Variants in ABCB1 observed in about 807,000 individuals in gnomAD.
ABCB1 encodes the protein ATP binding cassette subfamily B member 1.
ABCB1 carries 69 observed loss-of-function variants against 142.0 expected under a neutral mutation model. The ratio of observed to expected loss-of-function variants is 0.49; its 90% CI spans 0.40 to 0.59. The LOEUF (loss-of-function observed/expected upper bound fraction) is 0.59, where lower values mean the gene tolerates loss of function less well. Among genes scored for constraint, ABCB1 ranks in the 20% least tolerant of loss-of-function variants. ABCB1 has a pLI of 0.00. For synonymous variants in ABCB1, 532 were observed against 539.2 expected (o/e 0.99, Z 0.18); for missense variants, 1,326 against 1,554.7 (o/e 0.85, Z 2.47).
At chr7:87,626,431 A>G (rs533536395) in intron 1 of ABCB1, among the ~76,000 whole-genome samples, 1 of 20,714 alleles carries the variant, frequency 4.8e-5, no homozygotes, top group Non-Finnish European at 6.6e-5. Context: ...TGTCATATGT[A>G]TGTGTCATAT....
chr7:87,623,447 A>C (rs898307871), intron 1 of ABCB1, among the ~76,000 whole-genome samples: 12 of 152,220 alleles, frequency 7.9e-5, no homozygotes, highest in African/African-American at 2.7e-4. Flanking sequence ...GGTACTCTTC[A>C]TTATGTGTCT....
intron 1 of ABCB1, among the ~76,000 whole-genome samples, chr7:87,689,982 AT>A (rs201519657): frequency 1.4e-4 from 21 of 151,786 alleles, no homozygotes; most frequent in African/African-American, 4.1e-4. Context: ...GCTGTCATAG[AT>A]TTTTTTTTAA....
chr7:87,700,383 A>G, intron 1 of ABCB1: 1 of 1,520,508 alleles, frequency 6.6e-7, no homozygotes, highest in Non-Finnish European at 8.9e-7. Flanking sequence ...GTTTTATTTT[A>G]CTTTTTAAAA....
chr7:87,698,417 A>G (rs1396501046), intron 1 of ABCB1, among the ~76,000 whole-genome samples: 3 of 152,204 alleles, frequency 2.0e-5, no homozygotes, highest in Non-Finnish European at 4.4e-5. Flanking sequence ...TTAAAGAGAC[A>G]TTGAATTATA....
rs547267216 is a variant in ABCB1, at chr7:87,595,922, T to C, written c.69-108A>G. ...TAATGACTAATAGGAAGAAGAAATA[T>C]GTCTATATTATACAGTTAAAAAACA... On this transcript the variant is annotated intron_variant, in intron 2 of 27. Coordinates refer to ENST00000622132, the MANE Select transcript of ABCB1 (RefSeq NM_001348946.2). 232 of 837,222 alleles carry C rather than the reference T, an allele frequency of 2.8e-4. 1 individual carries two copies. In the African/African-American group the frequency reaches 3.3e-3, roughly 12 times the overall value. 51.9% of individuals were successfully genotyped at this position (837,222 alleles called of 1,614,324 possible).
chr7:87,675,124 C>A (rs891023278), intron 1 of ABCB1, among the ~76,000 whole-genome samples: 1 of 152,148 alleles, frequency 6.6e-6, no homozygotes, highest in Non-Finnish European at 1.5e-5. Context: ...TTGCCTTTTC[C>A]CCAGAAGATG....
At chr7:87,524,032 A>C (rs1166279362) in intron 21 of ABCB1, among the ~76,000 whole-genome samples, 1 of 152,204 alleles carries the variant, frequency 6.6e-6, no homozygotes, top group Non-Finnish European at 1.5e-5. Context: ...TATAGCTTAA[A>C]ATCATAAACA....
chr7:87,527,660 C>T (rs747665338), intron 21 of ABCB1, among the ~76,000 whole-genome samples: 25 of 152,076 alleles, frequency 1.6e-4, no homozygotes, highest in African/African-American at 3.1e-4. Context: ...TTTTAAAATA[C>T]GCAAGAATCA....
At chr7:87,680,437 A>C (rs1179713834) in intron 1 of ABCB1, among the ~76,000 whole-genome samples, 1 of 150,768 alleles carries the variant, frequency 6.6e-6, no homozygotes, top group Non-Finnish European at 1.5e-5. Flanking sequence ...GAAATTTAAA[A>C]CATTAAAAAC....
chr7:87,669,433 C>G (rs1825612924), intron 1 of ABCB1, among the ~76,000 whole-genome samples: 1 of 152,052 alleles, frequency 6.6e-6, no homozygotes, highest in African/African-American at 2.4e-5. Flanking sequence ...TATCCAGCTT[C>G]TCACTGTGCC....
intron 26 of ABCB1, among the ~76,000 whole-genome samples, chr7:87,508,634 A>G (rs1439593960): frequency 1.3e-5 from 2 of 152,178 alleles, no homozygotes; most frequent in Admixed American, 1.3e-4. Flanking sequence ...CACTGTAAAC[A>G]AAGTTTGGGG....
At chr7:87,542,287 A>T (rs1435047619) in intron 17 of ABCB1, among the ~76,000 whole-genome samples, 2 of 152,212 alleles carry the variant, frequency 1.3e-5, no homozygotes, top group Non-Finnish European at 1.5e-5. Context: ...TTCTTACTCT[A>T]TGCCAGGCAT....
chr7:87,626,198 A>ATTGTCATATATATGTGTCATATATG lies in ABCB1; in HGVS notation c.-330-25121_-330-25120insCATATATGACACATATATATGACAA, dbSNP rs11440100. 1.4e-3 allele frequency among the ~76,000 whole-genome samples: 18 copies of ATTGTCATATATATGTGTCATATATG among 12,972 alleles called. 1 individual carries two copies. Among genetic ancestry groups the ATTGTCATATATATGTGTCATATATG allele is most frequent in the East Asian group, 7.9e-3 (2 of 254 alleles). 8.5% of individuals were successfully genotyped at this position (12,972 alleles called of 152,430 possible). On this transcript the variant is annotated intron_variant, in intron 1 of 28. Transcript: ENST00000265724. ...ATTGTCATATATATGTGTCATATATATGTCATATATATGTGTCATATATAT... is the reference window on the plus strand; with the variant it reads ...ATTGTCATATATATGTGTCATATATATTGTCATATATATGTGTCATATATGTGTCATATATATGTGTCATATATAT...
At chr7:87,649,791 T>C (rs527413373) in intron 1 of ABCB1, among the ~76,000 whole-genome samples, 1 of 152,344 alleles carries the variant, frequency 6.6e-6, no homozygotes, top group East Asian at 1.9e-4. Context: ...GGTAATTGAA[T>C]CATGGCAGCG....
chr7:87,562,353 C>G lies in ABCB1; in HGVS notation c.703-966G>C, dbSNP rs13237132. 0.3 allele frequency among the ~76,000 whole-genome samples: 46,169 copies of G among 152,080 alleles called. 7,086 individuals carry two copies. The highest frequency in any genetic ancestry group is 0.37 in the Admixed American group (5,659 of 15,286). ...ATTCCTGACTTCTCAAAGCAATCTT[C>G]CTGGGGCTGTCCCACCATATTTGCA... is the stretch of plus-strand genomic sequence containing the variant. On this transcript the variant is annotated intron_variant, in intron 7 of 27. Coordinates refer to ENST00000622132, the MANE Select transcript of ABCB1 (RefSeq NM_001348946.2).
At chr7:87,530,899 A>G (rs1816026136) in intron 21 of ABCB1, among the ~76,000 whole-genome samples, 1 of 151,618 alleles carries the variant, frequency 6.6e-6, no homozygotes, top group African/African-American at 2.4e-5. Context: ...AAAAGAAGGA[A>G]GAAGGGAAGG....
chr7:87,664,677 A>G (rs960585633), intron 1 of ABCB1, among the ~76,000 whole-genome samples: 1 of 152,160 alleles, frequency 6.6e-6, no homozygotes, highest in African/African-American at 2.4e-5. Flanking sequence ...ATGAATTTCA[A>G]AGTAAATCAA....
intron 4 of ABCB1, among the ~76,000 whole-genome samples, chr7:87,580,198 A>T (rs1307277755): frequency 1.3e-5 from 2 of 152,166 alleles, no homozygotes; most frequent in African/African-American, 4.8e-5. Context: ...CTTTCTGATT[A>T]AAGAACTCCC....
chr7:87,592,481 G>A (rs1260984995), intron 3 of ABCB1, among the ~76,000 whole-genome samples: 1 of 152,180 alleles, frequency 6.6e-6, no homozygotes, highest in Non-Finnish European at 1.5e-5. Context: ...AGGATACTGA[G>A]CCAGGTGGCG....
Sources: gnomAD v4.1 joint callset for allele counts (sites outside exome capture counted in the v4.1 genomes callset) on GRCh38, gnomAD v4.1.1 for gene constraint, MANE v1.5 for transcripts, NCBI Gene and HGNC (gene_info 2026-07-23, HGNC 2026-07-21) for gene names.